CRADD: variants seen among roughly 807,000 people sequenced by gnomAD.
The protein encoded by CRADD is death domain-containing protein CRADD.
A neutral mutation model predicts 15.5 loss-of-function variants in CRADD; 9 were observed. The ratio of observed to expected loss-of-function variants is 0.58; its 90% confidence interval spans 0.35 to 1.01. CRADD has a LOEUF of 1.01. CRADD is among the 50% of genes least tolerant of loss of function. The probability of loss-of-function intolerance (pLI) is 0.02; values close to 1 mark genes in which losing one functional copy is unlikely to be tolerated. For synonymous variants in CRADD, 118 were observed against 107.6 expected, an observed-to-expected ratio of 1.10 and a Z score of -0.60; for missense variants, 227 against 250.3, an observed-to-expected ratio of 0.91 and a Z score of 0.63.
In CRADD at chr12:93,696,235, T is replaced by C. The variant is rs57669966; in HGVS notation, c.298+17163T>C. On this transcript the variant is annotated intron_variant, in intron 2 of 2. Transcript: ENST00000332896. ...GTGTCTTAGCAATCCCACTACTGGGTATATATCCAGAAGAAGTGGAGTCAG... is the reference window on the plus strand; with the variant it reads ...GTGTCTTAGCAATCCCACTACTGGGCATATATCCAGAAGAAGTGGAGTCAG... 9.3e-3 allele frequency among the ~76,000 whole-genome samples: 1,412 copies of C among 152,258 alleles called. 34 individuals are homozygous for C. Among genetic ancestry groups the C allele is most frequent in the African/African-American group, 0.032 (1,346 of 41,536 alleles).
In CRADD at chr12:93,679,057, A is replaced by AC. The variant is rs1555213545; in HGVS notation, c.285dup (p.Asp96ArgfsTer6). 8.7e-6 allele frequency: 14 copies of AC among 1,612,934 alleles called. No homozygotes were observed. In the South Asian group the frequency reaches 1.5e-4, roughly 18 times the overall value. On this transcript the variant is annotated frameshift_variant, in exon 2 of 3. Coordinates refer to ENST00000332896, the MANE Select transcript of CRADD (RefSeq NM_003805.5). LOFTEE classifies it high-confidence loss of function. ...GAAGAAGGCAAGGGAAGAGGCCATGACCGACCTGCCTGCAGGTAGGCCTCA... is the reference window on the plus strand; with the variant it reads ...GAAGAAGGCAAGGGAAGAGGCCATGACCCGACCTGCCTGCAGGTAGGCCTCA...
intron 2 of CRADD, among the ~76,000 whole-genome samples, chr12:93,773,867 T>C (rs927152726): frequency 1.5e-5 from 2 of 134,738 alleles, no homozygotes; most frequent in African/African-American, 5.5e-5. Context: ...GTCCAGGCTC[T>C]AGTGCAGTGG....
chr12:93,804,410 A>G (rs762387853), intron 2 of CRADD, among the ~76,000 whole-genome samples: 1 of 152,166 alleles, frequency 6.6e-6, no homozygotes, highest in Non-Finnish European at 1.5e-5. Context: ...GGTATATACC[A>G]GCTACATCTG....
intron 2 of CRADD, among the ~76,000 whole-genome samples, chr12:93,859,929 C>T (rs1284757379): frequency 6.6e-6 from 1 of 151,166 alleles, no homozygotes; most frequent in Admixed American, 6.6e-5. Flanking sequence ...GGGGTCTCCC[C>T]GTGTTGCCCA....
At chr12:93,773,574 C>G (rs1231857485) in intron 2 of CRADD, among the ~76,000 whole-genome samples, 15 of 152,026 alleles carry the variant, frequency 9.9e-5, no homozygotes, top group African/African-American at 3.6e-4. Flanking sequence ...AGGTTATTTC[C>G]TGCTGGAAGA....
chr12:93,818,328 A>G (rs1270581585), intron 2 of CRADD, among the ~76,000 whole-genome samples: 2 of 152,190 alleles, frequency 1.3e-5, no homozygotes, highest in African/African-American at 4.8e-5. Context: ...ACAAAAAGGT[A>G]CCTAGTGAAA....
chr12:93,824,608 C>T lies in CRADD; in HGVS notation c.299-25362C>T, dbSNP rs894323241. Among the ~76,000 whole-genome samples, 1 of 152,032 alleles carries T rather than the reference C, an allele frequency of 6.6e-6. No individual in the cohort carries two copies. Among genetic ancestry groups the T allele is most frequent in the Non-Finnish European group, 1.5e-5 (1 of 68,010 alleles). ...ACTTAGGGAACTGTCGTGTTAACAC[C>T]GAAGAATGCATTAGAATGCATCATT... On this transcript the variant is annotated intron_variant, in intron 2 of 2. Coordinates refer to ENST00000332896, the MANE Select transcript of CRADD (RefSeq NM_003805.5). This position sits in a 1 kb window ranked among gnomAD's most constrained non-coding sequence, Gnocchi z 4.3.
chr12:93,787,882 T>A (rs373134305), intron 2 of CRADD, among the ~76,000 whole-genome samples: 2 of 152,234 alleles, frequency 1.3e-5, no homozygotes, highest in Non-Finnish European at 2.9e-5. Context: ...ATGAGCATGC[T>A]TCACCTAAGG....
intron 2 of CRADD, among the ~76,000 whole-genome samples, chr12:93,889,401 TCAC>T (rs1958560525): frequency 6.6e-6 from 1 of 152,020 alleles, no homozygotes; most frequent in Non-Finnish European, 1.5e-5. Flanking sequence ...TCCTCTGAGG[TCAC>T]CCTAAAGAAA....
At chr12:93,830,212 C>T (rs1379511680) in intron 2 of CRADD, among the ~76,000 whole-genome samples, 1 of 152,090 alleles carries the variant, frequency 6.6e-6, no homozygotes, top group African/African-American at 2.4e-5. Flanking sequence ...TTCAGGCCCT[C>T]CAAGAAGAGG....
chr12:93,752,328 A>G (rs1423662826), intron 2 of CRADD, among the ~76,000 whole-genome samples: 1 of 152,236 alleles, frequency 6.6e-6, no homozygotes, highest in Non-Finnish European at 1.5e-5. Context: ...CCTGCTAAGG[A>G]TGTCTGCCAT....
At chr12:93,863,518 G>A (rs1400798940) in intron 2 of CRADD, among the ~76,000 whole-genome samples, 3 of 151,336 alleles carry the variant, frequency 2.0e-5, no homozygotes, top group Non-Finnish European at 4.4e-5. Context: ...CTTCTGTTTA[G>A]CAATAGTTCC....
intron 2 of CRADD, among the ~76,000 whole-genome samples, chr12:93,805,053 T>G (rs1272436979): frequency 6.6e-6 from 1 of 152,138 alleles, no homozygotes; most frequent in Non-Finnish European, 1.5e-5. Context: ...TTTTAATGAC[T>G]GTGATGAGTT....
chr12:93,700,889 C>G lies in CRADD; in HGVS notation c.298+21817C>G, dbSNP rs185295796. 5.9e-5 allele frequency among the ~76,000 whole-genome samples: 9 copies of G among 152,196 alleles called. No homozygotes were observed. The East Asian group carries it at 1.2e-3, about 20-fold the overall frequency. On this transcript the variant is annotated intron_variant, in intron 2 of 2. Coordinates refer to ENST00000332896, the MANE Select transcript of CRADD (RefSeq NM_003805.5). The stretch of plus-strand genomic sequence containing the variant: ...TTAGCTTAGGTGTTTTTTCAGGAAG[C>G]CTTCCCATACCTTCTATGTTGGATT...
intron 2 of CRADD, among the ~76,000 whole-genome samples, chr12:93,722,954 A>G (rs1318031391): frequency 6.6e-6 from 1 of 152,192 alleles, no homozygotes; most frequent in Non-Finnish European, 1.5e-5. Flanking sequence ...TAGTGATAGA[A>G]GTGTGGGAGG....
chr12:93,841,825 G>A (rs77780790), intron 2 of CRADD, among the ~76,000 whole-genome samples: 38 of 152,150 alleles, frequency 2.5e-4, no homozygotes, highest in African/African-American at 8.4e-4. Flanking sequence ...CAGTCTCTTC[G>A]CTCAGCTTTT....
At chr12:93,891,593 T>A (rs1054894806) in intron 2 of CRADD, among the ~76,000 whole-genome samples, 9 of 152,116 alleles carry the variant, frequency 5.9e-5, no homozygotes, top group African/African-American at 2.2e-4. Context: ...TACACACTTA[T>A]GTGTGTGTGT....
chr12:93,736,742 G>A (rs1284653456), intron 2 of CRADD, among the ~76,000 whole-genome samples: 1 of 152,198 alleles, frequency 6.6e-6, no homozygotes, highest in African/African-American at 2.4e-5. Flanking sequence ...TCTGAATGTA[G>A]AGCAAGAGCA....
intron 2 of CRADD, among the ~76,000 whole-genome samples, chr12:93,768,248 A>G (rs542786557): frequency 6.6e-6 from 1 of 152,374 alleles, no homozygotes; most frequent in African/African-American, 2.4e-5. Flanking sequence ...TAGAATTCAG[A>G]GTAGGTGGAA....
Sources: gnomAD v4.1 joint callset for allele counts (sites outside exome capture counted in the v4.1 genomes callset) on GRCh38, gnomAD v4.1.1 for gene constraint, Gnocchi (gnomAD v3.1) non-coding constraint, MANE v1.5 for transcripts, NCBI Gene and HGNC (gene_info 2026-07-23, HGNC 2026-07-21) for gene names.